Variants in C1orf21 observed in about 807,000 individuals in gnomAD.
C1orf21 encodes the protein chromosome 1 open reading frame 21.
In C1orf21, 3 loss-of-function variants were observed where a neutral mutation model predicts 18.7. That is an observed-to-expected ratio of 0.16 (90% CI 0.07 to 0.42). The LOEUF (loss-of-function observed/expected upper bound fraction) is 0.42, where lower values mean the gene tolerates loss of function less well. C1orf21 is among the 10% of genes least tolerant of loss of function. C1orf21 has a pLI of 0.99. For synonymous variants in C1orf21, 41 were observed against 46.4 expected, an observed-to-expected ratio of 0.88 and a Z score of 0.47; for missense variants, 104 against 143.6, an observed-to-expected ratio of 0.72 and a Z score of 1.41.
chr1:184,518,559 G>A (rs1319473402), intron 3 of C1orf21, among the ~76,000 whole-genome samples: 1 of 152,126 alleles, frequency 6.6e-6, no homozygotes. Flanking sequence ...AACATACACA[G>A]AAATTAATGA....
chr1:184,449,990 T>C (rs771676691), intron 1 of C1orf21, among the ~76,000 whole-genome samples: 13 of 152,144 alleles, frequency 8.5e-5, no homozygotes, highest in Non-Finnish European at 1.9e-4. Flanking sequence ...GTGCAGGTTA[T>C]GGGTAACAGA....
chr1:184,548,214 AACACACACACACACAC>A lies in C1orf21; in HGVS notation c.189+40559_189+40574del, dbSNP rs58174774. Among the ~76,000 whole-genome samples the A allele has an allele frequency of 9.9e-3, 1,380 of 140,062 alleles. 26 individuals are homozygous for A. The highest frequency in any genetic ancestry group is 0.034 in the African/African-American group (1,278 of 37,520). The allele number at this position is 140,062 out of a possible 152,430, so 91.9% of individuals were successfully genotyped here. On this transcript the variant is annotated intron_variant, in intron 3 of 5. Coordinates refer to ENST00000235307, the MANE Select transcript of C1orf21 (RefSeq NM_030806.4). ...ATAGTAATCCATATCTCAAATCCCC[AACACACACACACACAC>A]ACACACACACACACACACACACACA...
In C1orf21 at chr1:184,626,081, G is replaced by C. The variant is rs1010533133; in HGVS notation, c.*6525G>C. ...TAGCATTTTTAGCATTGCCTTTCCA[G>C]TCTTGATGATTCATTCATTGAACTC... On this transcript the variant is annotated 3_prime_UTR_variant, in exon 6 of 6. Transcript: ENST00000235307. 6 of 152,158 alleles carry C rather than the reference G, an allele frequency of 3.9e-5. No individual in the cohort carries two copies. Among genetic ancestry groups the C allele is most frequent in the Admixed American group, 2.0e-4 (3 of 15,258 alleles). The allele number at this position is 152,158 out of a possible 1,614,324, so 9.4% of individuals were successfully genotyped here. A position where few individuals can be genotyped will look rare whatever the true frequency, so the allele number is the denominator to read the frequency against.
chr1:184,507,722 A>G (rs769457326), intron 3 of C1orf21, 40 bp downstream of exon 3: 2 of 1,501,194 alleles, frequency 1.3e-6, no homozygotes, highest in African/African-American at 2.8e-5. Context: ...AATTTTGGTG[A>G]CACTATTGTA....
At chr1:184,488,134 A>G (rs1477603217) in intron 2 of C1orf21, among the ~76,000 whole-genome samples, 1 of 152,220 alleles carries the variant, frequency 6.6e-6, no homozygotes, top group Non-Finnish European at 1.5e-5. Flanking sequence ...TTAGATTTTA[A>G]GATATGTGTG....
At chr1:184,597,462 C>T (rs1379120199) in intron 4 of C1orf21, among the ~76,000 whole-genome samples, 1 of 152,152 alleles carries the variant, frequency 6.6e-6, no homozygotes, top group Admixed American at 6.5e-5. Context: ...GTACATTTCA[C>T]CACACTTGGA....
chr1:184,586,513 G>A (rs1659356212), intron 3 of C1orf21, among the ~76,000 whole-genome samples: 1 of 152,048 alleles, frequency 6.6e-6, no homozygotes, highest in African/African-American at 2.4e-5. Context: ...TGGATCTCCT[G>A]ACCTCGTGAT....
intron 3 of C1orf21, among the ~76,000 whole-genome samples, chr1:184,578,074 A>C (rs1659220787): frequency 6.7e-6 from 1 of 149,942 alleles, no homozygotes. Context: ...CTCCTGCCTC[A>C]GCCTCCCGAA....
chr1:184,564,972 T>C (rs1659015571), intron 3 of C1orf21, among the ~76,000 whole-genome samples: 1 of 152,180 alleles, frequency 6.6e-6, no homozygotes, highest in Non-Finnish European at 1.5e-5. Context: ...AGGATAGGCT[T>C]TAATTATGCC....
intron 2 of C1orf21, among the ~76,000 whole-genome samples, chr1:184,499,800 C>A (rs1007328035): frequency 1.3e-5 from 2 of 152,132 alleles, no homozygotes; most frequent in African/African-American, 4.8e-5. Flanking sequence ...AAAAGAGAGT[C>A]ATGATACTGG....
At chr1:184,418,739 G>T (rs1050505813) in intron 1 of C1orf21, among the ~76,000 whole-genome samples, 3 of 152,184 alleles carry the variant, frequency 2.0e-5, no homozygotes, top group Non-Finnish European at 4.4e-5. Context: ...ACTACAGAAG[G>T]CTTGGTGGCA....
intron 3 of C1orf21, among the ~76,000 whole-genome samples, chr1:184,575,905 G>C (rs760484106): frequency 5.3e-5 from 8 of 152,032 alleles, no homozygotes; most frequent in Non-Finnish European, 1.2e-4. Flanking sequence ...CCTCTTGCCT[G>C]TTGGGCCACA....
At chr1:184,520,411 G>A (rs1658290498) in intron 3 of C1orf21, among the ~76,000 whole-genome samples, 1 of 152,214 alleles carries the variant, frequency 6.6e-6, no homozygotes, top group Non-Finnish European at 1.5e-5. Context: ...TCTCAGAAAT[G>A]AAGCTGAAGA....
intron 1 of C1orf21, among the ~76,000 whole-genome samples, chr1:184,467,235 C>T (rs953171403): frequency 1.3e-5 from 2 of 152,084 alleles, no homozygotes; most frequent in African/African-American, 2.4e-5. Context: ...TATTGCAGAC[C>T]TACTATGAGC....
At chr1:184,578,234 G>A (rs1044810576) in intron 3 of C1orf21, among the ~76,000 whole-genome samples, 4 of 152,140 alleles carry the variant, frequency 2.6e-5, no homozygotes, top group Non-Finnish European at 5.9e-5. Flanking sequence ...AGGATTACAG[G>A]TGTGAGCCAC....
At position 184,417,551 on chromosome 1, in the gene C1orf21, G is replaced by C. The variant is rs375531556; in HGVS notation, c.-125+30183G>C. 9.5e-4 allele frequency among the ~76,000 whole-genome samples: 145 copies of C among 152,214 alleles called. 3 individuals carry two copies. The South Asian group carries it at 0.03, about 31-fold the overall frequency. ...GTTTAAGCAGGGATTTAAAATTTGA[G>C]GTTTTTAGCACTTATCACAAAAGGA... On this transcript the variant is annotated intron_variant, in intron 1 of 5. Transcript: ENST00000235307.
chr1:184,557,958 T>C (rs1242768417), intron 3 of C1orf21, among the ~76,000 whole-genome samples: 2 of 152,212 alleles, frequency 1.3e-5, no homozygotes, highest in Non-Finnish European at 2.9e-5. Context: ...TTGACTGGCA[T>C]ATGCAGTTGC....
intron 3 of C1orf21, among the ~76,000 whole-genome samples, chr1:184,561,293 G>A (rs141188972): frequency 0.012 from 1,751 of 152,202 alleles, 20 homozygotes; most frequent in Non-Finnish European, 0.018. Flanking sequence ...TAATTTTAAG[G>A]CTTCAGGGTG....
intron 3 of C1orf21, among the ~76,000 whole-genome samples, chr1:184,523,336 G>T (rs1407602324): frequency 1.3e-5 from 2 of 152,096 alleles, no homozygotes; most frequent in African/African-American, 2.4e-5. Context: ...GATGAGAATG[G>T]CATTTTATCT....
Sources: gnomAD v4.1 joint callset for allele counts (sites outside exome capture counted in the v4.1 genomes callset) on GRCh38, gnomAD v4.1.1 for gene constraint, MANE v1.5 for transcripts, NCBI Gene and HGNC (gene_info 2026-07-23, HGNC 2026-07-21) for gene names.